Variants in YAP1 observed in about 807,000 individuals in gnomAD.
YAP1 encodes the protein Yes1 associated transcriptional regulator.
YAP1 carries 5 observed loss-of-function variants against 56.9 expected under a neutral mutation model. That is an observed-to-expected ratio of 0.09 (90% CI 0.05 to 0.18). YAP1 has a LOEUF of 0.18. YAP1 is among the 10% of genes least tolerant of loss of function. YAP1 has a pLI of 1.00. For synonymous variants in YAP1, 265 were observed against 248.1 expected (o/e 1.07, Z -0.64); for missense variants, 539 against 651.8 (o/e 0.83, Z 1.88).
chr11:102,202,595 C>T (rs1948928509), intron 4 of YAP1, among the ~76,000 whole-genome samples: 1 of 151,896 alleles, frequency 6.6e-6, no homozygotes, highest in Non-Finnish European at 1.5e-5. Context: ...TGTATCTTAC[C>T]TGTACAAATT....
At chr11:102,187,328 TTAAA>T (rs1948023399) in intron 4 of YAP1, among the ~76,000 whole-genome samples, 1 of 151,176 alleles carries the variant, frequency 6.6e-6, no homozygotes, top group Non-Finnish European at 1.5e-5. Flanking sequence ...CCGGTTTGGC[TTAAA>T]TACTGTCCTT....
chr11:102,127,302 T>TA (rs1314090590), intron 2 of YAP1, among the ~76,000 whole-genome samples: 1 of 152,016 alleles, frequency 6.6e-6, no homozygotes, highest in Non-Finnish European at 1.5e-5. Flanking sequence ...CCCAGGAGGA[T>TA]ATGGTTTTGT....
intron 3 of YAP1, among the ~76,000 whole-genome samples, chr11:102,183,732 G>GTA (rs1947771690): frequency 6.7e-6 from 1 of 150,360 alleles, no homozygotes; most frequent in African/African-American, 2.4e-5. Context: ...GTGTGTGTGT[G>GTA]TGTGTGTTTA....
chr11:102,122,165 A>G (rs1386424022), intron 2 of YAP1, among the ~76,000 whole-genome samples: 1 of 152,176 alleles, frequency 6.6e-6, no homozygotes, highest in Non-Finnish European at 1.5e-5. Flanking sequence ...CATGCCTGTA[A>G]TCCTAGCCTT....
chr11:102,156,761 C>G (rs1344104032), intron 2 of YAP1, among the ~76,000 whole-genome samples: 2 of 152,184 alleles, frequency 1.3e-5, no homozygotes, highest in East Asian at 1.9e-4. Flanking sequence ...CATTTGGGAT[C>G]AAGATTGAGA....
rs117888108 is a variant in YAP1 at position 102,166,105 on chromosome 11, C to A, written c.688+3534C>A. Among the ~76,000 whole-genome samples, 42 of 152,268 alleles carry A rather than the reference C, an allele frequency of 2.8e-4. No homozygotes were observed. In the East Asian group the frequency reaches 7.9e-3, roughly 29 times the overall value. ...CAAAGGCTTTTTAAAACATCCGCAA[C>A]ACATCGATTCTAGGAGTCAGTCAAA... On this transcript the variant is annotated intron_variant, in intron 3 of 8. Coordinates refer to ENST00000282441, the MANE Select transcript of YAP1 (RefSeq NM_001130145.3).
intron 1 of YAP1, 59 bp downstream of exon 1, chr11:102,111,228 G>A: frequency 6.3e-7 from 1 of 1,593,180 alleles, no homozygotes; most frequent in East Asian, 2.3e-5. Flanking sequence ...CCGGGGGGGC[G>A]CTCGGGAGCC....
At chr11:102,136,511 TTTTG>T (rs559882872) in intron 2 of YAP1, among the ~76,000 whole-genome samples, 170 of 152,056 alleles carry the variant, frequency 1.1e-3, no homozygotes, top group African/African-American at 3.9e-3. Context: ...GCCTGGGTAA[TTTTG>T]TTTTTGTTTG....
At chr11:102,203,168 C>G (rs1382959468) in intron 4 of YAP1, among the ~76,000 whole-genome samples, 4 of 152,214 alleles carry the variant, frequency 2.6e-5, no homozygotes, top group Non-Finnish European at 4.4e-5. Flanking sequence ...GTTTCTCATT[C>G]ATTAGCCCTG....
intron 2 of YAP1, among the ~76,000 whole-genome samples, chr11:102,133,330 C>G (rs915375321): frequency 6.6e-6 from 1 of 152,168 alleles, no homozygotes; most frequent in Non-Finnish European, 1.5e-5. Flanking sequence ...GAGTCTCACT[C>G]TGCTACCCCA....
At chr11:102,179,923 C>T (rs1291479844) in intron 3 of YAP1, among the ~76,000 whole-genome samples, 1 of 151,242 alleles carries the variant, frequency 6.6e-6, no homozygotes, top group Non-Finnish European at 1.5e-5. Flanking sequence ...ATTGAGCTTA[C>T]ATAGAAAGAA....
intron 3 of YAP1, among the ~76,000 whole-genome samples, chr11:102,185,399 C>G (rs1314303069): frequency 1.3e-5 from 2 of 152,162 alleles, no homozygotes; most frequent in Admixed American, 6.6e-5. Flanking sequence ...AAGCCTCCAA[C>G]AAGCTTAAAC....
At chr11:102,219,830 C>T (rs1469813181) in intron 6 of YAP1, among the ~76,000 whole-genome samples, 1 of 151,918 alleles carries the variant, frequency 6.6e-6, no homozygotes, top group Non-Finnish European at 1.5e-5. Context: ...GTGGCGCAAT[C>T]TCAGCTCACT....
chr11:102,138,484 C>A (rs1944813980), intron 2 of YAP1, among the ~76,000 whole-genome samples: 1 of 152,132 alleles, frequency 6.6e-6, no homozygotes, highest in Admixed American at 6.6e-5. Context: ...TGGGAACATT[C>A]CAAAAGGGGG....
At chr11:102,192,348 A>G (rs1948336799) in intron 4 of YAP1, among the ~76,000 whole-genome samples, 1 of 152,158 alleles carries the variant, frequency 6.6e-6, no homozygotes, top group Non-Finnish European at 1.5e-5. Context: ...TATATTCTAT[A>G]GTGTTTCATA....
In YAP1 at chr11:102,110,994, C is replaced by T. The variant is rs758307433; in HGVS notation, c.146C>T (p.Pro49Leu). 2.3e-5 allele frequency: 36 copies of T among 1,560,824 alleles called. No homozygotes were observed. The South Asian group carries it at 2.4e-4, about 11-fold the overall frequency. Residue 49 changes from proline to leucine, a missense_variant, in exon 1 of 9, where the codon CCC (proline) becomes CTC (leucine). Around this residue, in one of 4 missense-constraint regions of YAP1, gnomAD observed 106 missense variants for 86.6 expected, o/e 1.22. Transcript: ENST00000282441. ...ACCCAGGCGGCGCCGCAGGCACCCC[C>T]CGCCGGGCATCAGATCGTGCACGTC... ...AATQAAPQAP[P>L]AGHQIVHVRG...
At chr11:102,131,437 G>A (rs1415297890) in intron 2 of YAP1, among the ~76,000 whole-genome samples, 2 of 152,186 alleles carry the variant, frequency 1.3e-5, no homozygotes, top group South Asian at 2.1e-4. Flanking sequence ...TGTAAGTCAT[G>A]TGTCTTGTTT....
At chr11:102,151,830 C>T (rs1945674326) in intron 2 of YAP1, among the ~76,000 whole-genome samples, 2 of 152,108 alleles carry the variant, frequency 1.3e-5, no homozygotes, top group Non-Finnish European at 2.9e-5. Context: ...GCCTCTACGA[C>T]CCATTAGTGC....
chr11:102,223,476 C>T, intron 6 of YAP1, 146 bp from the exon 7 acceptor site: 1 of 858,594 alleles, frequency 1.2e-6, no homozygotes, highest in Non-Finnish European at 1.7e-6. Flanking sequence ...AGAATTAGGT[C>T]ATTCTGATTG....
Sources: gnomAD v4.1 joint callset for allele counts (sites outside exome capture counted in the v4.1 genomes callset) on GRCh38, gnomAD v4.1.1 for gene constraint, gnomAD v4.1.1 regional missense constraint, MANE v1.5 for transcripts, NCBI Gene and HGNC (gene_info 2026-07-23, HGNC 2026-07-21) for gene names.